The following DYNC2H1 variants were observed in gnomAD, a reference collection of about 807,000 sequenced individuals.
DYNC2H1 encodes the protein cytoplasmic dynein 2 heavy chain 1.
A neutral mutation model predicts 570.0 loss-of-function variants in DYNC2H1; 410 were observed. That is an observed-to-expected ratio of 0.72 (90% CI 0.66 to 0.78). The LOEUF is 0.78. Among genes scored for constraint, DYNC2H1 ranks in the 30% least tolerant of loss-of-function variants. The probability of loss-of-function intolerance (pLI) is 0.00; values close to 1 mark genes in which losing one functional copy is unlikely to be tolerated. For synonymous variants in DYNC2H1, 1,688 were observed against 1,677.6 expected (o/e 1.01, Z -0.15); for missense variants, 4,865 against 5,046.4 (o/e 0.96, Z 1.09).
At chr11:103,414,389 G>A (rs1709157) in intron 84 of DYNC2H1, among the ~76,000 whole-genome samples, 76,807 of 151,690 alleles carry the variant, frequency 0.51, 19,678 homozygotes, top group African/African-American at 0.6. Context: ...GGGAGGCCGA[G>A]GCACATGGAT....
At chr11:103,190,695 A>T (rs1348576066) in intron 45 of DYNC2H1, among the ~76,000 whole-genome samples, 1 of 152,156 alleles carries the variant, frequency 6.6e-6, no homozygotes, top group African/African-American at 2.4e-5. Flanking sequence ...TTAAAAAAAT[A>T]AAGATGTTAA....
chr11:103,113,413 A>G (rs1479005136), intron 1 of DYNC2H1, 124 bp from the exon 2 acceptor site: 2 of 688,472 alleles, frequency 2.9e-6, no homozygotes, highest in Non-Finnish European at 2.1e-6. Flanking sequence ...TGGTTTTAAT[A>G]TATTTATTTT....
intron 84 of DYNC2H1, chr11:103,404,676 C>G (rs1942786022): frequency 6.6e-6 from 1 of 151,298 alleles, no homozygotes; most frequent in Admixed American, 6.6e-5. Context: ...GGACAAAGCA[C>G]CCTATCATGG....
Position 103,303,246 on chromosome 11 carries a change from A to G in DYNC2H1, c.11249A>G (p.Tyr3750Cys). The G allele has an allele frequency of 1.9e-6, 3 of 1,611,908 alleles. No individual in the cohort carries two copies. The South Asian group carries it at 3.3e-5, about 18-fold the overall frequency. The change falls in exon 76 of 89, where the codon TAT becomes TGT. Residue 3750 changes from tyrosine to cysteine, a missense_variant. Physicochemically the swap from Tyr to Cys is radical, Grantham distance 194. Coordinates refer to ENST00000375735, the MANE Select transcript of DYNC2H1 (RefSeq NM_001377.3). The stretch of plus-strand genomic sequence containing the variant: ...AATGCTGAAAGAAGCGGAGAGTGTT[A>G]TCACCAGGTAAGTACATATTGTCCC... Reference protein sequence around the residue: ...LANAERSGECYHQVAMGQGQA... With the variant: ...LANAERSGECCHQVAMGQGQA...
intron 80 of DYNC2H1, 69 bp from the exon 81 acceptor site, chr11:103,320,960 A>G (rs1938153661): frequency 6.6e-6 from 8 of 1,214,548 alleles, no homozygotes; most frequent in Non-Finnish European, 9.2e-6. Context: ...TGTTATAAAT[A>G]TAACTCAAGG....
At chr11:103,213,355 A>T (rs1038853088) in intron 54 of DYNC2H1, among the ~76,000 whole-genome samples, 1 of 152,060 alleles carries the variant, frequency 6.6e-6, no homozygotes, top group Non-Finnish European at 1.5e-5. Flanking sequence ...CTTGCTTGCT[A>T]TTTTCTCTCC....
At chr11:103,231,382 TGA>T in intron 60 of DYNC2H1, 36 bp downstream of exon 60, 2 of 1,357,264 alleles carry the variant, frequency 1.5e-6, no homozygotes, top group Non-Finnish European at 2.0e-6. Flanking sequence ...TGGATAATGC[TGA>T]GAGTGTTTAC....
intron 52 of DYNC2H1, among the ~76,000 whole-genome samples, chr11:103,206,845 G>T (rs1274958370): frequency 6.6e-6 from 1 of 152,048 alleles, no homozygotes; most frequent in Non-Finnish European, 1.5e-5. Flanking sequence ...CAATGAATGT[G>T]GGTACACTCT....
intron 59 of DYNC2H1, 49 bp from the exon 60 acceptor site, chr11:103,231,211 G>T (rs767701251): frequency 4.2e-6 from 5 of 1,181,290 alleles, no homozygotes; most frequent in Non-Finnish European, 6.0e-6. Flanking sequence ...CTGCTTTATA[G>T]TTGATATCTA....
intron 85 of DYNC2H1, among the ~76,000 whole-genome samples, chr11:103,443,677 C>T (rs1025329215): frequency 6.6e-6 from 1 of 151,462 alleles, no homozygotes. Flanking sequence ...TTTTAACCTC[C>T]ATAGATTCAA....
intron 17 of DYNC2H1, among the ~76,000 whole-genome samples, chr11:103,137,763 G>T (rs2134793757): frequency 6.6e-6 from 1 of 152,230 alleles, no homozygotes; most frequent in African/African-American, 2.4e-5. Context: ...ATTCTGTGAA[G>T]AAAGTCACTG....
At chr11:103,154,382 C>G in intron 22 of DYNC2H1, 69 bp from the exon 23 acceptor site, 3 of 1,362,320 alleles carry the variant, frequency 2.2e-6, no homozygotes, top group Non-Finnish European at 3.0e-6. Flanking sequence ...AGTTAAGTAA[C>G]TTAATGATAC....
At chr11:103,464,497 G>A (rs11225813) in intron 87 of DYNC2H1, among the ~76,000 whole-genome samples, 11,151 of 152,098 alleles carry the variant, frequency 0.073, 448 homozygotes, top group Non-Finnish European at 0.093. Context: ...ATGAGTTCTT[G>A]GATGAAAAGC....
intron 82 of DYNC2H1, among the ~76,000 whole-genome samples, chr11:103,342,656 C>A (rs1362452302): frequency 2.6e-5 from 4 of 152,076 alleles, no homozygotes; most frequent in Non-Finnish European, 4.4e-5. Context: ...GCGCCCACCA[C>A]CATGCCCGGC....
intron 82 of DYNC2H1, among the ~76,000 whole-genome samples, chr11:103,335,026 G>GT (rs1292837503): frequency 1.3e-5 from 2 of 152,052 alleles, no homozygotes; most frequent in African/African-American, 2.4e-5. Context: ...CATTGCCCAT[G>GT]ATTACCATAT....
intron 13 of DYNC2H1, among the ~76,000 whole-genome samples, chr11:103,132,932 G>A (rs189640522): frequency 6.6e-6 from 1 of 152,148 alleles, no homozygotes; most frequent in African/African-American, 2.4e-5. Flanking sequence ...CACTGTGAGT[G>A]GGGTGGGAGC....
chr11:103,457,055 A>G (rs535610088), intron 87 of DYNC2H1, among the ~76,000 whole-genome samples: 16 of 152,322 alleles, frequency 1.1e-4, no homozygotes, highest in African/African-American at 3.8e-4. Context: ...CCATAAAATT[A>G]TAATGAAGCT....
intron 82 of DYNC2H1, among the ~76,000 whole-genome samples, chr11:103,345,846 A>G (rs1939715607): frequency 6.6e-6 from 1 of 152,182 alleles, no homozygotes; most frequent in African/African-American, 2.4e-5. Context: ...TGCAGTAGCT[A>G]ATGCTGTTGC....
In DYNC2H1 at chr11:103,191,598, T is replaced by C. The variant is rs373855520; in HGVS notation, c.7519T>C (p.Phe2507Leu). Residue 2507 changes from phenylalanine (F) to leucine (L), a missense_variant, in exon 46 of 89, where the codon TTT (phenylalanine) becomes CTT (leucine). Physicochemically the swap from Phe to Leu is conservative, Grantham distance 22. Around this residue, in one of 5 missense-constraint regions of DYNC2H1, gnomAD observed 2,401 missense variants for 2,454.6 expected, o/e 0.98. Transcript: ENST00000375735. ...CILTQWVLGL[F>L]RYDLEGGSSN... ...TCTTACCCAATGGGTTCTTGGCTTA[T>C]TTAGATATGATTTAGAAGGAGGTGA... 1.2e-6 allele frequency: 2 copies of C among 1,607,960 alleles called. No homozygotes were observed. Among genetic ancestry groups the C allele is most frequent in the African/African-American group, 1.3e-5 (1 of 74,864 alleles).
Sources: allele counts gnomAD v4.1 joint callset (sites outside exome capture counted in the v4.1 genomes callset), GRCh38; gene constraint gnomAD v4.1.1; regional missense constraint gnomAD v4.1.1; transcripts MANE v1.5; gene names NCBI Gene and HGNC (gene_info 2026-07-23, HGNC 2026-07-21).